The following ABR variants were observed in gnomAD, a reference collection of about 807,000 sequenced individuals.
ABR encodes active breakpoint cluster region-related protein.
ABR carries 35 observed loss-of-function variants against 107.2 expected under a neutral mutation model. The ratio of observed to expected loss-of-function variants is 0.33; its 90% confidence interval spans 0.25 to 0.43. The LOEUF is 0.43. Ranked by LOEUF, ABR falls within the 20% of genes least tolerant of loss-of-function variation. The pLI is 1.00. For missense variants in ABR, 815 were observed against 1,115.2 expected (o/e 0.73, Z 3.83); for synonymous variants, 498 against 462.0 (o/e 1.08, Z -1.00).
chr17:1,174,987 G>A (rs556673823), intron 1 of ABR, among the ~76,000 whole-genome samples: 4 of 151,868 alleles, frequency 2.6e-5, no homozygotes, highest in East Asian at 1.9e-4. Context: ...GGGCTACTCC[G>A]CTCCCATTTA....
chr17:1,027,085 G>C lies in ABR; in HGVS notation c.1792-13921C>G, dbSNP rs1005646991. Among the ~76,000 whole-genome samples the C allele has an allele frequency of 2.0e-5, 3 of 152,064 alleles. No homozygotes were observed. Among genetic ancestry groups the C allele is most frequent in the Non-Finnish European group, 4.4e-5 (3 of 67,934 alleles). ...TCCCCCAGCCACACCTGCAGGCTTG[G>C]GGGCTCCTTCCAAAATGTCTGGGGC... On this transcript the variant is annotated intron_variant, in intron 16 of 22. Transcript: ENST00000302538. The surrounding 1 kb of genome is among the most constrained non-coding windows in gnomAD (Gnocchi z 4.7).
rs1567591755 is a variant in ABR, at chr17:1,022,117, A to AC, written c.1792-8954_1792-8953insG. Among the ~76,000 whole-genome samples the AC allele has an allele frequency of 4.0e-5, 6 of 150,354 alleles. 1 individual carries two copies. The highest frequency in any genetic ancestry group is 9.9e-5 in the African/African-American group (4 of 40,608). On this transcript the variant is annotated intron_variant, in intron 16 of 22. Coordinates refer to ENST00000302538, the MANE Select transcript of ABR (RefSeq NM_021962.5). ...GCAAGACTCTGTCTCAAAAAAAAAA[A>AC]AAAAAAAACAGAAAATGACTCCAGA...
In ABR at chr17:1,148,252, T is replaced by A. The variant is rs1454305100; in HGVS notation, c.62-22885A>T. On this transcript the variant is annotated intron_variant, in intron 1 of 22. Coordinates refer to ENST00000302538, the MANE Select transcript of ABR (RefSeq NM_021962.5). The surrounding 1 kb of genome is among the most constrained non-coding windows in gnomAD (Gnocchi z 4.9). Reference sequence around the variant, plus strand: ...ACGCGGCCTTTACATAAAACGGATATTATTCGGCTTATATTCCGACACAGG... The same window carrying A: ...ACGCGGCCTTTACATAAAACGGATAATATTCGGCTTATATTCCGACACAGG... 2.6e-5 allele frequency among the ~76,000 whole-genome samples: 4 copies of A among 152,236 alleles called. No homozygotes were observed. In the East Asian group the frequency reaches 7.7e-4, roughly 29 times the overall value.
In ABR at chr17:1,050,277, T is replaced by G; in HGVS notation, c.1660-96A>C. On this transcript the variant is annotated intron_variant, in intron 15 of 22. Coordinates refer to ENST00000302538, the MANE Select transcript of ABR (RefSeq NM_021962.5). This position sits in a 1 kb window ranked among gnomAD's most constrained non-coding sequence, Gnocchi z 4.6. ...CCTCAGCTTTGCAAGGAGGAGGGAG[T>G]AAGCACGGCCCACGAAGGACACGTC... 46 of 1,458,558 alleles carry G rather than the reference T, an allele frequency of 3.2e-5. No homozygotes were observed. Among genetic ancestry groups the G allele is most frequent in the Non-Finnish European group, 4.0e-5 (43 of 1,081,794 alleles). 90.4% of individuals were successfully genotyped at this position (1,458,558 alleles called of 1,614,324 possible). A position where few individuals can be genotyped will look rare whatever the true frequency, so the allele number is the denominator to read the frequency against.
chr17:1,033,687 C>T (rs1195679911), intron 16 of ABR, among the ~76,000 whole-genome samples: 4 of 152,284 alleles, frequency 2.6e-5, no homozygotes, highest in South Asian at 2.1e-4. Flanking sequence ...CACCCCTGGA[C>T]GGTGCACACG....
intron 1 of ABR, among the ~76,000 whole-genome samples, chr17:1,225,506 G>T (rs1598156470): frequency 6.6e-6 from 1 of 151,940 alleles, no homozygotes; most frequent in Admixed American, 6.6e-5. Context: ...ACAAAAATTA[G>T]CCAGGCGTAG....
In ABR at chr17:1,107,121, G is replaced by A. The variant is rs1316162046; in HGVS notation, c.247-6386C>T. 3.9e-5 allele frequency among the ~76,000 whole-genome samples: 6 copies of A among 152,228 alleles called. No homozygotes were observed. In the South Asian group the frequency reaches 1.0e-3, roughly 26 times the overall value. On this transcript the variant is annotated intron_variant, in intron 2 of 22. Coordinates refer to ENST00000302538, the MANE Select transcript of ABR (RefSeq NM_021962.5). ...GGGAGCCTGGAACTCCCCGGCATTC[G>A]AGAAAGGTCTCCTTCCCCCATGCTG...
chr17:1,167,163 CGGAG>C (rs1292935498), intron 1 of ABR, among the ~76,000 whole-genome samples: 2 of 136,970 alleles, frequency 1.5e-5, no homozygotes, highest in Non-Finnish European at 3.3e-5. Context: ...TCTGGCTGGG[CGGAG>C]AGAGAGGCCA....
chr17:1,104,566 G>C (rs999873920), intron 2 of ABR, among the ~76,000 whole-genome samples: 1 of 152,198 alleles, frequency 6.6e-6, no homozygotes, highest in Non-Finnish European at 1.5e-5. Context: ...GATCTGCTCA[G>C]AGTAGATGCC....
In ABR at chr17:1,157,037, G is replaced by A. The variant is rs369414685; in HGVS notation, c.61+22630C>T. ...ATAACAACAGTCCACACACACATAC[G>A]ATAAGTTAACTCACCGCAGCCTCAC... On this transcript the variant is annotated intron_variant, in intron 1 of 22. Coordinates refer to ENST00000302538, the MANE Select transcript of ABR (RefSeq NM_021962.5). The surrounding 1 kb of genome is among the most constrained non-coding windows in gnomAD (Gnocchi z 4.7). Among the ~76,000 whole-genome samples the A allele has an allele frequency of 2.0e-5, 3 of 152,154 alleles. No individual in the cohort carries two copies. The highest frequency in any genetic ancestry group is 4.4e-5 in the Non-Finnish European group (3 of 68,036).
At chr17:1,066,821 G>A (rs544167505) in intron 10 of ABR, among the ~76,000 whole-genome samples, 10 of 152,078 alleles carry the variant, frequency 6.6e-5, no homozygotes, top group African/African-American at 1.2e-4. Flanking sequence ...GAGCCACTGC[G>A]CCTGGCTACT....
At chr17:1,019,377 G>A (rs548410467) in intron 16 of ABR, among the ~76,000 whole-genome samples, 4 of 152,220 alleles carry the variant, frequency 2.6e-5, no homozygotes, top group Non-Finnish European at 4.4e-5. Context: ...AGCCCCTTCT[G>A]AGGCCAGGCC....
intron 1 of ABR, among the ~76,000 whole-genome samples, chr17:1,168,504 G>A (rs550887342): frequency 7.9e-4 from 121 of 152,316 alleles, no homozygotes; most frequent in African/African-American, 2.7e-3. Flanking sequence ...TTACTGGCTA[G>A]AGAATGGGCA....
intron 1 of ABR, among the ~76,000 whole-genome samples, chr17:1,168,068 C>A (rs1197256639): frequency 6.6e-6 from 1 of 152,096 alleles, no homozygotes; most frequent in East Asian, 1.9e-4. Context: ...GGGCAGATAA[C>A]CTGAGGTCGG....
At position 1,015,520 on chromosome 17, in the gene ABR, G is replaced by A. The variant is rs144009320; in HGVS notation, c.1792-2356C>T. On this transcript the variant is annotated intron_variant, in intron 16 of 22. Transcript: ENST00000302538. ...TGTCCAGGCCGGAGTGCAATGGTGC[G>A]ATCTTGGCTCACAGCAACCTCCGCC... Among the ~76,000 whole-genome samples the A allele has an allele frequency of 7.5e-3, 1,133 of 150,888 alleles. 14 individuals are homozygous for A. The highest frequency in any genetic ancestry group is 0.026 in the African/African-American group (1,088 of 41,156).
intron 2 of ABR, among the ~76,000 whole-genome samples, chr17:1,106,014 T>A (rs2038222741): frequency 6.6e-6 from 1 of 152,198 alleles, no homozygotes; most frequent in African/African-American, 2.4e-5. Context: ...TAGAATGGCA[T>A]GAAACATTTT....
chr17:1,066,884 A>G (rs1729194075), intron 10 of ABR, among the ~76,000 whole-genome samples, 193 bp downstream of exon 10: 1 of 151,880 alleles, frequency 6.6e-6, no homozygotes, highest in South Asian at 2.1e-4. Context: ...GGCACTTCCC[A>G]TGTTAGCCCT....
chr17:1,114,734 C>T (rs2038905004), intron 2 of ABR, among the ~76,000 whole-genome samples: 1 of 151,952 alleles, frequency 6.6e-6, no homozygotes, highest in African/African-American at 2.4e-5. Flanking sequence ...GATCGCGCCA[C>T]TGCACTCCAG....
intron 1 of ABR, among the ~76,000 whole-genome samples, chr17:1,176,163 C>T (rs1486935776): frequency 1.3e-5 from 2 of 151,602 alleles, no homozygotes; most frequent in Non-Finnish European, 2.9e-5. Context: ...GAGCAGAGAG[C>T]CACCAGCCTC....
Sources: allele counts gnomAD v4.1 joint callset (sites outside exome capture counted in the v4.1 genomes callset), GRCh38; gene constraint gnomAD v4.1.1; non-coding constraint Gnocchi (gnomAD v3.1); transcripts MANE v1.5; gene names NCBI Gene and HGNC (gene_info 2026-07-23, HGNC 2026-07-21).